The following UTS2R variants were observed in gnomAD, a reference collection of about 807,000 sequenced individuals.
The protein encoded by UTS2R is urotensin-2 receptor.
For missense variants in UTS2R, 653 were observed against 562.2 expected (o/e 1.16, Z -1.63); for synonymous variants, 335 against 280.9 (o/e 1.19, Z -1.93).
chr17:82,374,889 C>T lies in UTS2R; in HGVS notation c.565C>T (p.Arg189Trp), dbSNP rs1274161610. Reference protein sequence around the residue: ...LLTLPVMLAMRLVRRGPKSLC... With the variant: ...LLTLPVMLAMWLVRRGPKSLC... ...GACGCTGCCCGTGATGCTGGCCATG[C>T]GGCTGGTGCGCCGGGGTCCCAAGAG... Residue 189 changes from arginine to tryptophan, a missense_variant, in exon 3 of 3, where the codon CGG (arginine) becomes TGG (tryptophan). Transcript: ENST00000313135. The T allele has an allele frequency of 8.0e-7, 1 of 1,247,836 alleles. No homozygotes were observed. The highest frequency in any genetic ancestry group is 1.1e-6 in the Non-Finnish European group (1 of 882,222). 77.3% of individuals were successfully genotyped at this position (1,247,836 alleles called of 1,614,324 possible).
chr17:82,375,167 C>G lies in UTS2R; in HGVS notation c.843C>G (p.Ala281=). The change falls in exon 3 of 3, where the codon GCC becomes GCG. Residue 281 remains alanine, a synonymous_variant. Coordinates refer to ENST00000313135, the MANE Select transcript of UTS2R (RefSeq NM_018949.3). ...CCTTCTGGCTGTGGCAGCTGCTCGC[C>G]CAGTACCACCAGGCCCCGCTGGCGC... ...FLPFWLWQLL[A]QYHQAPLAPR... 3.2e-6 allele frequency: 5 copies of G among 1,546,264 alleles called. No individual in the cohort carries two copies. The highest frequency in any genetic ancestry group is 4.4e-6 in the Non-Finnish European group (5 of 1,146,706).
At position 82,374,628 on chromosome 17, in the gene UTS2R, C is replaced by A. The variant is rs1161372547; in HGVS notation, c.304C>A (p.Leu102Ile). The change falls in exon 3 of 3, where the codon CTC (leucine) becomes ATC (isoleucine). Residue 102 changes from leucine (L) to isoleucine (I), a missense_variant. By Grantham distance (5) the Leu-to-Ile change is conservative. Coordinates refer to ENST00000313135, the MANE Select transcript of UTS2R (RefSeq NM_018949.3). The part of the protein sequence containing the change: ...NLALADLLYL[L>I]SIPFIVATYV... ...GGCGCTGGCCGACCTGCTGTACCTG[C>A]TCAGCATCCCCTTCATCGTGGCCAC... The A allele has an allele frequency of 6.8e-6, 11 of 1,612,824 alleles. No individual in the cohort carries two copies. The highest frequency in any genetic ancestry group is 8.5e-6 in the Non-Finnish European group (10 of 1,179,696).
rs955245278 is a variant in UTS2R, at chr17:82,372,040, G to A, written c.-276G>A. 1.3e-5 allele frequency among the ~76,000 whole-genome samples: 2 copies of A among 152,112 alleles called. No individual in the cohort carries two copies. Among genetic ancestry groups the A allele is most frequent in the African/African-American group, 2.4e-5 (1 of 41,426 alleles). ...GGGCAGGTCTGGCCGCTCAGTGACC[G>A]GAGGCAGGTGGGTCCTCGGTGGGTG... On this transcript the variant is annotated 5_prime_UTR_variant, in exon 1 of 3. Coordinates refer to ENST00000313135, the MANE Select transcript of UTS2R (RefSeq NM_018949.3).
chr17:82,375,373 G>T lies in UTS2R; in HGVS notation c.1049G>T (p.Arg350Leu). Residue 350 changes from arginine to leucine, a missense_variant, in exon 3 of 3, where the codon CGC becomes CTC. Coordinates refer to ENST00000313135, the MANE Select transcript of UTS2R (RefSeq NM_018949.3). Reference sequence around the variant, plus strand: ...GTTCCCTCCCTGCAGCCCCGCGCCCGCTTCCAGCGCTGTTCGGGCCGCTCC... The same window carrying T: ...GTTCCCTCCCTGCAGCCCCGCGCCCTCTTCCAGCGCTGTTCGGGCCGCTCC... ...GPVPSLQPRARFQRCSGRSLS... is the reference protein window; with the variant it reads ...GPVPSLQPRALFQRCSGRSLS... The T allele has an allele frequency of 6.3e-7, 1 of 1,576,490 alleles. No individual in the cohort carries two copies. The highest frequency in any genetic ancestry group is 8.6e-7 in the Non-Finnish European group (1 of 1,167,420).
At position 82,376,438 on chromosome 17, in the gene UTS2R, C is replaced by T. The variant is rs1476993467; in HGVS notation, c.*944C>T. ...CCAGCCTGGCCTCCCCTCCCCACCC[C>T]ATGGCCATGCCCAGACTACCAGCCC... On this transcript the variant is annotated 3_prime_UTR_variant, in exon 3 of 3. Coordinates refer to ENST00000313135, the MANE Select transcript of UTS2R (RefSeq NM_018949.3). Among the ~76,000 whole-genome samples the T allele has an allele frequency of 6.6e-6, 1 of 152,180 alleles. No individual in the cohort carries two copies. The highest frequency in any genetic ancestry group is 6.5e-5 in the Admixed American group (1 of 15,290).
In UTS2R at chr17:82,377,078, AAAG is replaced by A. The variant is rs1242048826; in HGVS notation, c.*1588_*1590del. Among the ~76,000 whole-genome samples, 1 of 152,168 alleles carries A rather than the reference AAAG, an allele frequency of 6.6e-6. No individual in the cohort carries two copies. The highest frequency in any genetic ancestry group is 2.4e-5 in the African/African-American group (1 of 41,418). On this transcript the variant is annotated 3_prime_UTR_variant, in exon 3 of 3. Transcript: ENST00000313135. ...TCGGATGGTTGCCGTGTCTGTGTAGAAAGAAGTAGACATGGGAGACTTTTCATT... is the reference window on the plus strand; with the variant it reads ...TCGGATGGTTGCCGTGTCTGTGTAGAAAGTAGACATGGGAGACTTTTCATT...
At chr17:82,373,590 A>G (rs7211350) in intron 2 of UTS2R, among the ~76,000 whole-genome samples, 2,234 of 152,294 alleles carry the variant, frequency 0.015, 54 homozygotes, top group African/African-American at 0.051. Flanking sequence ...ATTTTTAAGA[A>G]ATATTTTCCC....
Position 82,375,323 on chromosome 17 carries a change from G to C in UTS2R, c.999G>C (p.Pro333=). ...ACCTGCGCGGCCGCGTGCGGGGCCCGGGCAGCGGGGGAGGCCGGGGGCCCG... is the reference window on the plus strand; with the variant it reads ...ACCTGCGCGGCCGCGTGCGGGGCCCCGGCAGCGGGGGAGGCCGGGGGCCCG... ...RDHLRGRVRG[P]GSGGGRGPVP... Residue 333 remains proline, a synonymous_variant, in exon 3 of 3, where the codon CCG becomes CCC. Transcript: ENST00000313135. 2 of 1,546,536 alleles carry C rather than the reference G, an allele frequency of 1.3e-6. No individual in the cohort carries two copies. The highest frequency in any genetic ancestry group is 1.7e-6 in the Non-Finnish European group (2 of 1,147,386).
Position 82,374,862 on chromosome 17 carries a change from C to CTGA in UTS2R, c.539_541dup (p.Leu180_Thr181insMet). 1 of 1,342,046 alleles carries CTGA rather than the reference C, an allele frequency of 7.5e-7. No individual in the cohort carries two copies. The highest frequency in any genetic ancestry group is 1.0e-6 in the Non-Finnish European group (1 of 966,140). 83.1% of individuals were successfully genotyped at this position (1,342,046 alleles called of 1,614,324 possible). ...GGGCACCTGGCTGCTGGCGCTGCTG[C>CTGA]TGACGCTGCCCGTGATGCTGGCCAT... On this transcript the variant is annotated inframe_insertion, in exon 3 of 3. Transcript: ENST00000313135.
chr17:82,377,245 T>C lies in UTS2R; in HGVS notation c.*1751T>C, dbSNP rs1353975316. 2.0e-5 allele frequency among the ~76,000 whole-genome samples: 3 copies of C among 152,166 alleles called. No individual in the cohort carries two copies. The highest frequency in any genetic ancestry group is 4.4e-5 in the Non-Finnish European group (3 of 68,026). ...TAAGGGCGGTGCAAGATGTGCTTTGTTAAACAGATGCTTGAAGGCAGCACG... is the reference window on the plus strand; with the variant it reads ...TAAGGGCGGTGCAAGATGTGCTTTGCTAAACAGATGCTTGAAGGCAGCACG... On this transcript the variant is annotated 3_prime_UTR_variant, in exon 3 of 3. Transcript: ENST00000313135.
In UTS2R at chr17:82,371,887, C is replaced by T. The variant is rs1322408304; in HGVS notation, c.-429C>T. ...CGTGTGCTCTGGAAGCCGAGGCCAC[C>T]GCGGAGCCCCTCGCGCCCCCTCTGC... On this transcript the variant is annotated 5_prime_UTR_variant, in exon 1 of 3. Transcript: ENST00000313135. The surrounding 1 kb of genome is among the most constrained non-coding windows in gnomAD (Gnocchi z 6.3). Among the ~76,000 whole-genome samples, 2 of 151,916 alleles carry T rather than the reference C, an allele frequency of 1.3e-5. No individual in the cohort carries two copies. The highest frequency in any genetic ancestry group is 3.9e-4 in the East Asian group (2 of 5,148).
intron 1 of UTS2R, among the ~76,000 whole-genome samples, 130 bp from the exon 2 acceptor site, chr17:82,372,468 C>G (rs1226498099): frequency 6.6e-6 from 1 of 152,136 alleles, no homozygotes. Context: ...CCCTGGAAGG[C>G]CCCCAGCGCC....
rs960281357 is a variant in UTS2R, at chr17:82,377,336, G to A, written c.*1842G>A. Among the ~76,000 whole-genome samples the A allele has an allele frequency of 2.6e-5, 4 of 151,858 alleles. No individual in the cohort carries two copies. The highest frequency in any genetic ancestry group is 3.4e-3 in the Middle Eastern group (1 of 294). ...AGGGACACAAACACTGCGGAAGGCC[G>A]CAGGGTCCTCTGCCTAGGAAAACCA... On this transcript the variant is annotated 3_prime_UTR_variant, in exon 3 of 3. Transcript: ENST00000313135.
chr17:82,374,516 G>T lies in UTS2R; in HGVS notation c.192G>T (p.Val64=). ...CTCTGCTGTCGGCCATGGGCGTGGT[G>T]GGCGTGGTGGGCAACGCCTACACGC... ...IGTLLSAMGV[V]GVVGNAYTLV... Residue 64 remains valine, a synonymous_variant, in exon 3 of 3, where the codon GTG becomes GTT. Coordinates refer to ENST00000313135, the MANE Select transcript of UTS2R (RefSeq NM_018949.3). The T allele has an allele frequency of 6.3e-7, 1 of 1,582,918 alleles. No homozygotes were observed. The highest frequency in any genetic ancestry group is 8.6e-7 in the Non-Finnish European group (1 of 1,165,444).
chr17:82,372,250 G>C (rs1205121383), intron 1 of UTS2R, among the ~76,000 whole-genome samples: 2 of 152,154 alleles, frequency 1.3e-5, no homozygotes. Flanking sequence ...CAATCCTAGC[G>C]GCCCGGCGGC....
At position 82,374,389 on chromosome 17, in the gene UTS2R, C is replaced by T. The variant is rs781255218; in HGVS notation, c.65C>T (p.Pro22Leu). 1.4e-5 allele frequency: 22 copies of T among 1,590,022 alleles called. No individual in the cohort carries two copies. Among genetic ancestry groups the T allele is most frequent in the African/African-American group, 5.4e-5 (4 of 74,604 alleles). Reference sequence around the variant, plus strand: ...CTGGCCGCCACTGGCAGCTCTGTGCCGGAGCCGCCTGGCGGCCCCAACGCA... The same window carrying T: ...CTGGCCGCCACTGGCAGCTCTGTGCTGGAGCCGCCTGGCGGCCCCAACGCA... ...PGLAATGSSV[P>L]EPPGGPNATL... is the part of the protein sequence containing the mutation. Residue 22 changes from proline to leucine, a missense_variant, in exon 3 of 3, where the codon CCG becomes CTG. Transcript: ENST00000313135.
intron 2 of UTS2R, among the ~76,000 whole-genome samples, 23 bp downstream of exon 2, chr17:82,372,806 G>C (rs553684882): frequency 6.6e-6 from 1 of 152,328 alleles, no homozygotes; most frequent in Admixed American, 6.5e-5. Flanking sequence ...GAGTAGAATT[G>C]CCGGGTGAGA....
Position 82,375,854 on chromosome 17 carries a change from A to T in UTS2R, c.*360A>T, listed in dbSNP as rs2052492505. Among the ~76,000 whole-genome samples the T allele has an allele frequency of 6.6e-6, 1 of 152,206 alleles. No individual in the cohort carries two copies. Among genetic ancestry groups the T allele is most frequent in the Non-Finnish European group, 1.5e-5 (1 of 68,030 alleles). ...CTCCTGTTCCTGCCTGTGTGGCTCC[A>T]TCCCTTGTGGCTTTGCCACTGGAAC... is the stretch of plus-strand genomic sequence containing the variant. On this transcript the variant is annotated 3_prime_UTR_variant, in exon 3 of 3. Coordinates refer to ENST00000313135, the MANE Select transcript of UTS2R (RefSeq NM_018949.3).
At position 82,377,446 on chromosome 17, in the gene UTS2R, C is replaced by A. The variant is rs1232584690; in HGVS notation, c.*1952C>A. On this transcript the variant is annotated 3_prime_UTR_variant, in exon 3 of 3. Transcript: ENST00000313135. ...GCCAAATCCCCCTCTGCGAGAAACA[C>A]CCAAGAATGATCAATAAAAAAAAAA... Among the ~76,000 whole-genome samples, 2 of 139,822 alleles carry A rather than the reference C, an allele frequency of 1.4e-5. No individual in the cohort carries two copies. Among genetic ancestry groups the A allele is most frequent in the Non-Finnish European group, 3.1e-5 (2 of 64,720 alleles). 91.7% of individuals were successfully genotyped at this position (139,822 alleles called of 152,430 possible). A position where few individuals can be genotyped will look rare whatever the true frequency, so the allele number is the denominator to read the frequency against.
Sources: allele counts gnomAD v4.1 joint callset (sites outside exome capture counted in the v4.1 genomes callset), GRCh38; gene constraint gnomAD v4.1.1; non-coding constraint Gnocchi (gnomAD v3.1); transcripts MANE v1.5; gene names NCBI Gene and HGNC (gene_info 2026-07-23, HGNC 2026-07-21).